Variants in CCDC178 observed in about 807,000 individuals in gnomAD.
The protein encoded by CCDC178 is coiled-coil domain-containing protein 178.
A neutral mutation model predicts 117.4 loss-of-function variants in CCDC178; 126 were observed. That is an observed-to-expected ratio of 1.07 (90% CI 0.93 to 1.24). The LOEUF (loss-of-function observed/expected upper bound fraction) is 1.24. Ranked by LOEUF, CCDC178 falls within the 50% of genes most tolerant of loss-of-function variation. The probability of loss-of-function intolerance (pLI) is 0.00; values close to 1 mark genes in which losing one functional copy is unlikely to be tolerated. For missense variants in CCDC178, 1,030 were observed against 986.9 expected, an observed-to-expected ratio of 1.04 and a Z score of -0.59; for synonymous variants, 283 against 313.4, an observed-to-expected ratio of 0.90 and a Z score of 1.02.
chr18:33,394,969 A>ATATG, intron 4 of CCDC178, among the ~76,000 whole-genome samples: 1 of 134,804 alleles, frequency 7.4e-6, no homozygotes, highest in African/African-American at 2.7e-5. Flanking sequence ...ATATATATAT[A>ATATG]TATATATATA....
chr18:33,131,875 C>T (rs989542205), intron 20 of CCDC178, among the ~76,000 whole-genome samples: 1 of 151,696 alleles, frequency 6.6e-6, no homozygotes, highest in Non-Finnish European at 1.5e-5. Context: ...TTTTATATTT[C>T]TAAATACATT....
rs61024874 is a variant in CCDC178, at chr18:33,150,547, CAA to C, written c.2239-57639_2239-57638del. On this transcript the variant is annotated intron_variant, in intron 20 of 22. Coordinates refer to ENST00000383096, the MANE Select transcript of CCDC178 (RefSeq NM_001105528.4). ...AAATCAGCAAGAAAAGAAAACTCAT[CAA>C]AAAGTGGTCAAAGGACATGAATAGC... Among the ~76,000 whole-genome samples the C allele has an allele frequency of 7.9e-3, 1,196 of 152,126 alleles. 13 individuals carry two copies. The highest frequency in any genetic ancestry group is 0.027 in the African/African-American group (1,114 of 41,516).
chr18:33,323,375 A>G (rs1599161082), intron 11 of CCDC178, 116 bp downstream of exon 11: 1 of 548,966 alleles, frequency 1.8e-6, no homozygotes, highest in East Asian at 3.5e-5. Flanking sequence ...AGGTATGAAT[A>G]ATTTAAAATT....
intron 6 of CCDC178, among the ~76,000 whole-genome samples, chr18:33,362,434 A>C (rs937429019): frequency 1.3e-5 from 2 of 151,840 alleles, no homozygotes; most frequent in African/African-American, 4.8e-5. Context: ...TGCAGGTCAG[A>C]GGATACAAAG....
chr18:33,133,202 T>A (rs1405949714), intron 20 of CCDC178, among the ~76,000 whole-genome samples: 2 of 151,800 alleles, frequency 1.3e-5, no homozygotes, highest in Admixed American at 1.3e-4. Flanking sequence ...ATCGAAAACG[T>A]CTGTGAGAAA....
chr18:33,068,764 C>T (rs985002679), intron 21 of CCDC178, among the ~76,000 whole-genome samples: 3 of 152,136 alleles, frequency 2.0e-5, no homozygotes, highest in Non-Finnish European at 2.9e-5. Flanking sequence ...GAGAGCAAGA[C>T]AAGCATGCTC....
At chr18:33,423,599 C>T (rs962166078) in intron 2 of CCDC178, among the ~76,000 whole-genome samples, 1 of 152,060 alleles carries the variant, frequency 6.6e-6, no homozygotes, top group African/African-American at 2.4e-5. Flanking sequence ...TAGAGTATCT[C>T]TAGGGCAGGC....
chr18:33,046,630 C>T (rs28718801), intron 21 of CCDC178, among the ~76,000 whole-genome samples: 2,204 of 152,076 alleles, frequency 0.014, 55 homozygotes, highest in African/African-American at 0.05. Context: ...TATGATAATG[C>T]TACAAACTAT....
At chr18:32,958,238 T>G in intron 22 of CCDC178, 2 of 554,782 alleles carry the variant, frequency 3.6e-6, no homozygotes, top group South Asian at 4.0e-5. Flanking sequence ...AACAAAAACA[T>G]AGTTAGTGAT....
chr18:33,237,190 A>G (rs1292373040), intron 15 of CCDC178, among the ~76,000 whole-genome samples: 2 of 152,080 alleles, frequency 1.3e-5, no homozygotes, highest in Admixed American at 6.6e-5. Flanking sequence ...TTCCAAGCCC[A>G]GTGGCTACAC....
intron 20 of CCDC178, among the ~76,000 whole-genome samples, chr18:33,095,699 A>T (rs968261655): frequency 4.1e-4 from 62 of 151,898 alleles, no homozygotes; most frequent in South Asian, 2.1e-4. Flanking sequence ...GAAGTAACTG[A>T]TTGGCAATAT....
At chr18:33,288,312 C>T (rs1246531260) in intron 12 of CCDC178, among the ~76,000 whole-genome samples, 1 of 111,374 alleles carries the variant, frequency 9.0e-6, no homozygotes, top group African/African-American at 3.5e-5. Flanking sequence ...CTCCTCCCCT[C>T]CTCTCCCCTC....
chr18:32,958,377 G>T (rs1042755186), intron 22 of CCDC178, among the ~76,000 whole-genome samples: 3 of 152,122 alleles, frequency 2.0e-5, no homozygotes, highest in Non-Finnish European at 4.4e-5. Context: ...TAAATTAAAT[G>T]TCTAAATTTT....
At chr18:33,376,117 G>C (rs1270378141) in intron 5 of CCDC178, among the ~76,000 whole-genome samples, 1 of 152,152 alleles carries the variant, frequency 6.6e-6, no homozygotes. Context: ...CCCCACTCCT[G>C]AGATTTTATC....
At chr18:33,291,561 T>C (rs1018706582) in intron 12 of CCDC178, among the ~76,000 whole-genome samples, 1 of 152,148 alleles carries the variant, frequency 6.6e-6, no homozygotes, top group Admixed American at 6.5e-5. Context: ...GGAATGCAAA[T>C]TGGCATAATA....
chr18:33,417,535 TACAC>T lies in CCDC178; in HGVS notation c.-22-5429_-22-5426del, dbSNP rs60345049. 1.5e-3 allele frequency among the ~76,000 whole-genome samples: 216 copies of T among 148,262 alleles called. 2 individuals carry two copies. Among genetic ancestry groups the T allele is most frequent in the Admixed American group, 2.6e-3 (39 of 14,800 alleles). On this transcript the variant is annotated intron_variant, in intron 2 of 22. Transcript: ENST00000383096. ...TAAAATAAAAGTTCACAGAGCTGTA[TACAC>T]ACACACACACACACACACACACACA...
intron 3 of CCDC178, among the ~76,000 whole-genome samples, chr18:33,406,110 T>TCTA (rs1486577138): frequency 6.6e-6 from 1 of 152,054 alleles, no homozygotes; most frequent in African/African-American, 2.4e-5. Flanking sequence ...CATAAACTTT[T>TCTA]CTAAGTGTTA....
chr18:32,982,757 T>C (rs889002667), intron 21 of CCDC178, among the ~76,000 whole-genome samples: 1 of 152,126 alleles, frequency 6.6e-6, no homozygotes, highest in Admixed American at 6.5e-5. Flanking sequence ...CAATACAACA[T>C]GTAGGACAAG....
At chr18:33,324,993 AATTATAATAATAT>A (rs2062565355) in intron 10 of CCDC178, among the ~76,000 whole-genome samples, 1 of 151,680 alleles carries the variant, frequency 6.6e-6, no homozygotes, top group Non-Finnish European at 1.5e-5. Context: ...TTGGTGTTTT[AATTATAATAATAT>A]TAAAATAATT....
Sources: allele counts gnomAD v4.1 joint callset (sites outside exome capture counted in the v4.1 genomes callset), GRCh38; gene constraint gnomAD v4.1.1; transcripts MANE v1.5; gene names NCBI Gene and HGNC (gene_info 2026-07-23, HGNC 2026-07-21).